DRC8: variants seen among roughly 807,000 people sequenced by gnomAD.
DRC8 encodes the protein dynein regulatory complex protein 8.
the DRC8 span, among the ~76,000 whole-genome samples, chr1:245,070,191 G>A: frequency 6.6e-6 from 1 of 152,002 alleles, no homozygotes; most frequent in East Asian, 1.9e-4. Context: ...GGATACAGAG[G>A]GACACCTATA....
the DRC8 span, among the ~76,000 whole-genome samples, chr1:245,026,889 G>A: frequency 6.6e-6 from 1 of 152,140 alleles, no homozygotes. Flanking sequence ...TCAGAATAGT[G>A]GTGTGATTGC....
At chr1:245,046,779 C>T in the DRC8 span, among the ~76,000 whole-genome samples, 5,259 of 152,188 alleles carry the variant, frequency 0.035, 320 homozygotes, top group African/African-American at 0.12. Context: ...GAGGAAAGGG[C>T]GATTAATATT....
the DRC8 span, among the ~76,000 whole-genome samples, chr1:244,973,429 T>G: frequency 6.6e-6 from 1 of 152,216 alleles, no homozygotes; most frequent in Non-Finnish European, 1.5e-5. Flanking sequence ...TGGAACGTGG[T>G]AGGTAATCAA....
At chr1:244,979,925 C>A in the DRC8 span, among the ~76,000 whole-genome samples, 1 of 150,418 alleles carries the variant, frequency 6.6e-6, no homozygotes, top group Non-Finnish European at 1.5e-5. Flanking sequence ...TTTAACAAGG[C>A]CGGGTGCAGT....
chr1:245,107,239 C>G, the DRC8 span: 1 of 149,630 alleles, frequency 6.7e-6, no homozygotes, highest in East Asian at 2.0e-4. Context: ...AGTGGGCAGG[C>G]GTGAGAGCCG....
At chr1:245,077,707 A>G in the DRC8 span, among the ~76,000 whole-genome samples, 1 of 152,214 alleles carries the variant, frequency 6.6e-6, no homozygotes, top group East Asian at 1.9e-4. Flanking sequence ...ATCTCACACC[A>G]TACACAGAAA....
the DRC8 span, among the ~76,000 whole-genome samples, chr1:245,075,281 CCT>C: frequency 1.3e-5 from 2 of 152,208 alleles, no homozygotes; most frequent in Non-Finnish European, 2.9e-5. Flanking sequence ...AGGCACTTAA[CCT>C]CTCTGTGCCT....
the DRC8 span, among the ~76,000 whole-genome samples, chr1:245,058,516 A>G: frequency 6.6e-6 from 1 of 152,244 alleles, no homozygotes; most frequent in Non-Finnish European, 1.5e-5. Context: ...GGGAGTAAAT[A>G]TAATACCACT....
the DRC8 span, chr1:244,970,260 A>G: frequency 4.1e-6 from 3 of 736,446 alleles, no homozygotes; most frequent in South Asian, 3.0e-5. Context: ...GCGCGCTCGG[A>G]GCCTCCTCCC....
At chr1:244,993,123 C>G in the DRC8 span, among the ~76,000 whole-genome samples, 3 of 152,202 alleles carry the variant, frequency 2.0e-5, no homozygotes, top group African/African-American at 7.2e-5. Flanking sequence ...TCTTTTATAA[C>G]ATAATCTCAG....
chr1:245,008,990 C>T, the DRC8 span, among the ~76,000 whole-genome samples: 14 of 149,608 alleles, frequency 9.4e-5, no homozygotes, highest in South Asian at 2.1e-4. Context: ...ACCTGGCCCT[C>T]GCACAAATTT....
At chr1:245,038,792 C>T in the DRC8 span, among the ~76,000 whole-genome samples, 2 of 151,496 alleles carry the variant, frequency 1.3e-5, no homozygotes, top group South Asian at 2.1e-4. Context: ...GAATGAATTC[C>T]ATTATAAACT....
At chr1:244,991,291 G>C in the DRC8 span, among the ~76,000 whole-genome samples, 14,378 of 152,186 alleles carry the variant, frequency 0.094, 854 homozygotes, top group East Asian at 0.24. Flanking sequence ...AGGAGCTTCT[G>C]TTCTGTGGAG....
At chr1:245,119,654 C>G in the DRC8 span, among the ~76,000 whole-genome samples, 9 of 146,878 alleles carry the variant, frequency 6.1e-5, no homozygotes, top group East Asian at 1.8e-3. Flanking sequence ...AAAAAGGAGG[C>G]TGGGCACGGT....
At chr1:245,020,061 CG>C in the DRC8 span, among the ~76,000 whole-genome samples, 10 of 146,210 alleles carry the variant, frequency 6.8e-5, no homozygotes, top group African/African-American at 2.2e-4. Flanking sequence ...AGACGCCCCC[CG>C]CCCCCAGGCA....
At chr1:245,069,774 G>A in the DRC8 span, among the ~76,000 whole-genome samples, 1 of 152,186 alleles carries the variant, frequency 6.6e-6, no homozygotes, top group African/African-American at 2.4e-5. Flanking sequence ...GGGCATGGGG[G>A]TGCACCCCAA....
chr1:245,117,534 T>C, the DRC8 span, among the ~76,000 whole-genome samples: 2 of 151,678 alleles, frequency 1.3e-5, no homozygotes, highest in Non-Finnish European at 2.9e-5. Context: ...AGCGATTCTC[T>C]TTCCTCAGCC....
the DRC8 span, chr1:245,044,151 C>G: frequency 3.3e-5 from 5 of 152,166 alleles, no homozygotes; most frequent in African/African-American, 1.2e-4. Context: ...TTTACTCATA[C>G]TTTGAGGTTA....
At chr1:245,007,851 C>T in the DRC8 span, among the ~76,000 whole-genome samples, 1 of 152,144 alleles carries the variant, frequency 6.6e-6, no homozygotes, top group African/African-American at 2.4e-5. Context: ...GGTAGTGCTT[C>T]TCAGCTTTTA....
Sources: gnomAD v4.1 joint callset for allele counts (sites outside exome capture counted in the v4.1 genomes callset) on GRCh38, gnomAD v4.1.1 for gene constraint, MANE v1.5 for transcripts, NCBI Gene and HGNC (gene_info 2026-07-23, HGNC 2026-07-21) for gene names.